NKAIN2: variants seen among roughly 807,000 people sequenced by gnomAD.
NKAIN2 encodes the protein sodium/potassium-transporting ATPase subunit beta-1-interacting protein 2.
NKAIN2 carries 14 observed loss-of-function variants against 32.6 expected under a neutral mutation model. The observed-to-expected ratio is 0.43, with a 90% CI of 0.28 to 0.67. The LOEUF is 0.67. NKAIN2 is among the 30% of genes least tolerant of loss of function. The pLI is 0.17. For missense variants in NKAIN2, 198 were observed against 258.3 expected (o/e 0.77, Z 1.60); for synonymous variants, 80 against 87.2 (o/e 0.92, Z 0.46).
chr6:124,811,494 A>C (rs1780902979), intron 5 of NKAIN2, among the ~76,000 whole-genome samples: 1 of 152,182 alleles, frequency 6.6e-6, no homozygotes, highest in Non-Finnish European at 1.5e-5. Flanking sequence ...AAGAATATTT[A>C]TTCAAAAACT....
chr6:123,877,430 A>G (rs1222101041), intron 1 of NKAIN2, among the ~76,000 whole-genome samples: 1 of 152,202 alleles, frequency 6.6e-6, no homozygotes, highest in Non-Finnish European at 1.5e-5. Flanking sequence ...ATATTTTATG[A>G]CACATATTCA....
At chr6:124,159,517 A>G (rs1225430250) in intron 1 of NKAIN2, among the ~76,000 whole-genome samples, 4 of 152,168 alleles carry the variant, frequency 2.6e-5, no homozygotes, top group Admixed American at 1.3e-4. Context: ...CTCTGTATGT[A>G]TTGATTAGGA....
chr6:124,112,160 A>G (rs77423982), intron 1 of NKAIN2, among the ~76,000 whole-genome samples: 1,788 of 152,178 alleles, frequency 0.012, 74 homozygotes, highest in East Asian at 0.083. Context: ...CCAGTTTTAT[A>G]CTTTCTTATG....
intron 1 of NKAIN2, among the ~76,000 whole-genome samples, chr6:124,244,661 A>T (rs1369427684): frequency 6.6e-6 from 1 of 152,080 alleles, no homozygotes. Context: ...GGAGCATTCT[A>T]ACAATTTACC....
At chr6:123,988,558 A>G in intron 1 of NKAIN2, among the ~76,000 whole-genome samples, 1 of 152,134 alleles carries the variant, frequency 6.6e-6, no homozygotes, top group East Asian at 1.9e-4. Context: ...CTGTAAAACT[A>G]CTCAGCACTT....
chr6:124,001,357 T>C (rs1308398830), intron 1 of NKAIN2, among the ~76,000 whole-genome samples: 1 of 152,056 alleles, frequency 6.6e-6, no homozygotes, highest in African/African-American at 2.4e-5. Context: ...ATAGTATATG[T>C]GGGCTGGTAA....
intron 4 of NKAIN2, among the ~76,000 whole-genome samples, chr6:124,678,479 C>T (rs1230121105): frequency 1.3e-5 from 2 of 151,814 alleles, no homozygotes; most frequent in African/African-American, 4.8e-5. Context: ...TTTTTTTTCT[C>T]ATACCTGATC....
At chr6:124,540,012 C>T (rs1258420725) in intron 3 of NKAIN2, among the ~76,000 whole-genome samples, 3 of 152,186 alleles carry the variant, frequency 2.0e-5, no homozygotes, top group East Asian at 1.9e-4. Context: ...TGAGCCACCA[C>T]GCCCAGCCAA....
At chr6:124,812,654 G>A (rs545732025) in intron 5 of NKAIN2, among the ~76,000 whole-genome samples, 16 of 152,090 alleles carry the variant, frequency 1.1e-4, no homozygotes, top group Admixed American at 5.2e-4. Context: ...TTTCCCAAGC[G>A]TCTCTTCACT....
At chr6:124,022,475 C>A (rs186206574) in intron 1 of NKAIN2, among the ~76,000 whole-genome samples, 5 of 152,278 alleles carry the variant, frequency 3.3e-5, no homozygotes, top group Admixed American at 2.6e-4. Flanking sequence ...GCCACACTGT[C>A]TTCCACAATG....
At chr6:124,380,221 C>T (rs1772569708) in intron 3 of NKAIN2, among the ~76,000 whole-genome samples, 2 of 152,106 alleles carry the variant, frequency 1.3e-5, no homozygotes, top group Admixed American at 1.3e-4. Flanking sequence ...TCTCTTTGTT[C>T]ATTTAGGTTC....
chr6:123,973,083 T>G (rs1300614571), intron 1 of NKAIN2, among the ~76,000 whole-genome samples: 3 of 152,094 alleles, frequency 2.0e-5, no homozygotes, highest in Non-Finnish European at 4.4e-5. Flanking sequence ...ACTTAAACAT[T>G]GACCCAGGAA....
At chr6:123,885,928 G>T (rs1773690233) in intron 1 of NKAIN2, among the ~76,000 whole-genome samples, 1 of 150,054 alleles carries the variant, frequency 6.7e-6, no homozygotes. Flanking sequence ...AAAAATCCAG[G>T]TGAGTTAGAG....
intron 1 of NKAIN2, among the ~76,000 whole-genome samples, chr6:124,042,538 A>C (rs1253673113): frequency 6.6e-6 from 1 of 151,958 alleles, no homozygotes; most frequent in Non-Finnish European, 1.5e-5. Context: ...TCGTGGGGGA[A>C]AAAACCCACA....
intron 1 of NKAIN2, among the ~76,000 whole-genome samples, chr6:124,006,702 G>A (rs1780091336): frequency 6.6e-6 from 1 of 152,086 alleles, no homozygotes; most frequent in South Asian, 2.1e-4. Flanking sequence ...CCTCTGATTG[G>A]ACCAGGCAGG....
Position 124,136,421 on chromosome 6 carries a change from A to C in NKAIN2, c.55-146584A>C, listed in dbSNP as rs117888103. On this transcript the variant is annotated intron_variant, in intron 1 of 6. Coordinates refer to ENST00000368417, the MANE Select transcript of NKAIN2 (RefSeq NM_001040214.3). ...TCAGATGGATTCACAGCTGAATTCT[A>C]TCAGACATTTAAAGAACTGGTACCA... Among the ~76,000 whole-genome samples the C allele has an allele frequency of 3.8e-4, 58 of 152,290 alleles. 1 individual carries two copies. In the East Asian group the frequency reaches 0.011, roughly 29 times the overall value.
intron 4 of NKAIN2, among the ~76,000 whole-genome samples, chr6:124,664,253 C>T (rs747598512): frequency 2.1e-4 from 31 of 148,512 alleles, no homozygotes; most frequent in Non-Finnish European, 3.1e-4. Context: ...CCAGCCTGGG[C>T]GAGACAGCAA....
rs1338807427 is a variant in NKAIN2, at chr6:123,931,992, A to G, written c.54+127738A>G. On this transcript the variant is annotated intron_variant, in intron 1 of 6. Transcript: ENST00000368417. The stretch of plus-strand genomic sequence containing the variant: ...TCAAGAATATATACTTAAAAATTCA[A>G]AACACTTTTATCATTTTTCACTCTC... Among the ~76,000 whole-genome samples, 7 of 152,294 alleles carry G rather than the reference A, an allele frequency of 4.6e-5. No individual in the cohort carries two copies. In the East Asian group the frequency reaches 1.2e-3, roughly 25 times the overall value.
At chr6:123,884,390 T>G (rs945824203) in intron 1 of NKAIN2, among the ~76,000 whole-genome samples, 1 of 152,176 alleles carries the variant, frequency 6.6e-6, no homozygotes, top group Non-Finnish European at 1.5e-5. Flanking sequence ...ACACACACAT[T>G]TTTGTTCCTT....
Sources: gnomAD v4.1 joint callset for allele counts (sites outside exome capture counted in the v4.1 genomes callset) on GRCh38, gnomAD v4.1.1 for gene constraint, MANE v1.5 for transcripts, NCBI Gene and HGNC (gene_info 2026-07-23, HGNC 2026-07-21) for gene names.